The following C3orf22 variants were observed in gnomAD, a reference collection of about 807,000 sequenced individuals.
The protein encoded by C3orf22 is chromosome 3 open reading frame 22.
A neutral mutation model predicts 10.8 loss-of-function variants in C3orf22; 7 were observed. The observed-to-expected ratio is 0.65, with a 90% CI of 0.37 to 1.22. The LOEUF is 1.22. C3orf22 is among the 50% of genes most tolerant of loss of function. C3orf22 has a pLI of 0.02. For missense variants in C3orf22, 173 were observed against 177.0 expected (o/e 0.98, Z 0.13); for synonymous variants, 79 against 78.9 (o/e 1.00, Z 0.00).
chr3:126,545,206 CA>C (rs2107576009), downstream of C3orf22, among the ~76,000 whole-genome samples: 1 of 152,392 alleles, frequency 6.6e-6, no homozygotes, highest in East Asian at 1.9e-4. Flanking sequence ...CCAGTGCCCA[CA>C]AGGGCTGATG....
chr3:126,547,931 G>A (rs1383661897), downstream of C3orf22, among the ~76,000 whole-genome samples: 1 of 152,216 alleles, frequency 6.6e-6, no homozygotes, highest in Non-Finnish European at 1.5e-5. Flanking sequence ...AGGAACTACA[G>A]CAGTAGCATC....
At chr3:126,546,780 G>A (rs989601502), downstream of C3orf22, among the ~76,000 whole-genome samples, 7 of 152,112 alleles carry the variant, frequency 4.6e-5, no homozygotes, top group African/African-American at 1.7e-4. Context: ...CAGCTCAAGG[G>A]TACATTCCTT....
chr3:126,528,464 G>A (rs1431227016), intron 5 of C3orf22, among the ~76,000 whole-genome samples: 2 of 152,220 alleles, frequency 1.3e-5, no homozygotes, highest in Non-Finnish European at 2.9e-5. Context: ...GTGCACTGGT[G>A]GGCCTTGGGG....
chr3:126,552,792 T>C (rs982884593), intron 2 of C3orf22, among the ~76,000 whole-genome samples: 11 of 152,234 alleles, frequency 7.2e-5, no homozygotes, highest in African/African-American at 2.4e-4. Context: ...CCTGCTGTCC[T>C]GCGGGTGGGA....
At chr3:126,545,477 G>A (rs2107576109), downstream of C3orf22, among the ~76,000 whole-genome samples, 1 of 152,296 alleles carries the variant, frequency 6.6e-6, no homozygotes, top group Non-Finnish European at 1.5e-5. Flanking sequence ...TTTATTCTGT[G>A]GCTTTGTCAT....
chr3:126,545,417 G>T (rs1427393143), downstream of C3orf22, among the ~76,000 whole-genome samples: 1 of 152,232 alleles, frequency 6.6e-6, no homozygotes, highest in East Asian at 1.9e-4. Flanking sequence ...TCAGGAAAAT[G>T]TTAACCAACT....
intron 4 of C3orf22, chr3:126,543,337 C>T (rs1417358389): frequency 6.6e-6 from 1 of 152,234 alleles, no homozygotes; most frequent in East Asian, 1.9e-4. Flanking sequence ...CTCTGGGAGA[C>T]TGCAGCTGTC....
intron 4 of C3orf22, among the ~76,000 whole-genome samples, chr3:126,538,385 C>T (rs1230264677): frequency 1.3e-5 from 2 of 152,228 alleles, no homozygotes; most frequent in African/African-American, 2.4e-5. Flanking sequence ...CCTGACTTTT[C>T]ACCCTAAGGG....
intron 3 of C3orf22, among the ~76,000 whole-genome samples, chr3:126,550,288 A>G (rs945763247): frequency 6.6e-6 from 1 of 152,064 alleles, no homozygotes; most frequent in Non-Finnish European, 1.5e-5. Context: ...ACCCCCCCAC[A>G]CAGGCTCCTC....
At chr3:126,549,596 C>T, downstream of C3orf22, 2 of 1,339,568 alleles carry the variant, frequency 1.5e-6, no homozygotes, top group Non-Finnish European at 2.0e-6. Flanking sequence ...CTTTTTAATC[C>T]TCACACCAAC....
chr3:126,553,525 C>T, intron 1 of C3orf22, 95 bp from the exon 2 acceptor site: 2 of 774,390 alleles, frequency 2.6e-6, no homozygotes, highest in Non-Finnish European at 4.4e-6. Flanking sequence ...TGCCTGCGGG[C>T]CGCCAAATGA....
intron 4 of C3orf22, among the ~76,000 whole-genome samples, chr3:126,541,035 G>T (rs1576237288): frequency 2.0e-5 from 3 of 152,350 alleles, no homozygotes; most frequent in East Asian, 3.9e-4. Context: ...GGAGCTGGAA[G>T]CATGGAAGCG....
intron 4 of C3orf22, among the ~76,000 whole-genome samples, chr3:126,531,557 C>T (rs573866887): frequency 9.8e-5 from 15 of 152,374 alleles, no homozygotes; most frequent in Admixed American, 3.3e-4. Flanking sequence ...TAAATGGAAT[C>T]GTGTCTTAGC....
intron 1 of C3orf22, among the ~76,000 whole-genome samples, chr3:126,557,562 C>T (rs1303506266): frequency 3.3e-5 from 5 of 152,200 alleles, no homozygotes; most frequent in African/African-American, 1.2e-4. Context: ...TGGAATCACT[C>T]AAGGCCCGAG....
At chr3:126,531,933 G>A (rs1936668354) in intron 4 of C3orf22, among the ~76,000 whole-genome samples, 1 of 152,212 alleles carries the variant, frequency 6.6e-6, no homozygotes, top group African/African-American at 2.4e-5. Context: ...AGCAATATAT[G>A]AGGGCTCCAA....
intron 4 of C3orf22, chr3:126,542,636 G>A (rs1936993607): frequency 2.8e-6 from 4 of 1,414,896 alleles, no homozygotes; most frequent in South Asian, 1.6e-5. Context: ...AGACCCCCGG[G>A]GAATGCAGGT....
chr3:126,548,561 G>A (rs546234399), downstream of C3orf22, among the ~76,000 whole-genome samples: 1 of 152,366 alleles, frequency 6.6e-6, no homozygotes, highest in East Asian at 1.9e-4. Flanking sequence ...CACAGGAAGG[G>A]ACCCCAGGGA....
At chr3:126,527,259 G>A (rs1481516451) in exon 6 of C3orf22, 1 of 152,296 alleles carries the variant, frequency 6.6e-6, no homozygotes, top group African/African-American at 2.4e-5. Flanking sequence ...ATGGCACACA[G>A]TGGTAGCCTC....
At chr3:126,530,565 C>G (rs113367558) in intron 4 of C3orf22, among the ~76,000 whole-genome samples, 1 of 152,242 alleles carries the variant, frequency 6.6e-6, no homozygotes, top group Non-Finnish European at 1.5e-5. Context: ...TGCAACACGG[C>G]GAGAAGGCCT....
Sources: allele counts gnomAD v4.1 joint callset (sites outside exome capture counted in the v4.1 genomes callset), GRCh38; gene constraint gnomAD v4.1.1; transcripts MANE v1.5; gene names NCBI Gene and HGNC (gene_info 2026-07-23, HGNC 2026-07-21).